Variants in ASAP2 observed in about 807,000 individuals in gnomAD.
ASAP2 encodes arf-GAP with SH3 domain, ANK repeat and PH domain-containing protein 2.
ASAP2 carries 45 observed loss-of-function variants against 131.4 expected under a neutral mutation model. That is an observed-to-expected ratio of 0.34 (90% CI 0.27 to 0.44). The LOEUF is 0.44. Ranked by LOEUF, ASAP2 falls within the 20% of genes least tolerant of loss-of-function variation. The pLI is 1.00. For synonymous variants in ASAP2, 510 were observed against 503.0 expected (o/e 1.01, Z -0.19); for missense variants, 1,011 against 1,297.0 (o/e 0.78, Z 3.39).
Position 9,279,306 on chromosome 2 carries a change from C to T in ASAP2, c.127-11C>T. On this transcript the variant is annotated splice_polypyrimidine_tract_variant and intron_variant, in intron 1 of 27. Transcript: ENST00000281419. ...AGACACGGTTTAATGACTGTATTCT[C>T]TACATTTTAGGCTTTGGACGTGGAC... The T allele has an allele frequency of 1.2e-6, 2 of 1,613,584 alleles. No homozygotes were observed. The highest frequency in any genetic ancestry group is 1.7e-5 in the Admixed American group (1 of 60,016).
At chr2:9,246,315 G>C (rs1266492586) in intron 1 of ASAP2, among the ~76,000 whole-genome samples, 1 of 152,122 alleles carries the variant, frequency 6.6e-6, no homozygotes, top group African/African-American at 2.4e-5. Flanking sequence ...ATTTTTTACA[G>C]ACAGGGTCTT....
Position 9,270,949 on chromosome 2 carries a change from C to T in ASAP2, c.127-8368C>T, listed in dbSNP as rs572568468. On this transcript the variant is annotated intron_variant, in intron 1 of 27. Coordinates refer to ENST00000281419, the MANE Select transcript of ASAP2 (RefSeq NM_003887.3). ...CTGGGACTACAGGTGCCCGCCACTA[C>T]GCCCGGCTAATTTTTTTGTATTTTT... is the stretch of plus-strand genomic sequence containing the variant. Among the ~76,000 whole-genome samples, 47 of 150,052 alleles carry T rather than the reference C, an allele frequency of 3.1e-4. No homozygotes were observed. In the South Asian group the frequency reaches 7.2e-3, roughly 23 times the overall value.
chr2:9,343,511 A>G (rs540771165), intron 9 of ASAP2, among the ~76,000 whole-genome samples: 2 of 152,276 alleles, frequency 1.3e-5, no homozygotes, highest in Non-Finnish European at 2.9e-5. Context: ...CAGTGGTGCT[A>G]TCATGACTCA....
At chr2:9,236,272 A>G (rs1206891696) in intron 1 of ASAP2, among the ~76,000 whole-genome samples, 1 of 152,124 alleles carries the variant, frequency 6.6e-6, no homozygotes, top group Non-Finnish European at 1.5e-5. Flanking sequence ...AGAGGCTTGT[A>G]GGTAATCAAG....
At chr2:9,293,714 G>T (rs1667969192) in intron 2 of ASAP2, among the ~76,000 whole-genome samples, 1 of 152,160 alleles carries the variant, frequency 6.6e-6, no homozygotes, top group Non-Finnish European at 1.5e-5. Context: ...CTAGGTGTTA[G>T]AGGAAGACAC....
intron 7 of ASAP2, among the ~76,000 whole-genome samples, chr2:9,331,675 G>A (rs1670851468): frequency 2.6e-5 from 4 of 152,154 alleles, no homozygotes; most frequent in Admixed American, 2.0e-4. Context: ...GACTGAGGCT[G>A]GAGAATCACT....
intron 3 of ASAP2, among the ~76,000 whole-genome samples, chr2:9,303,457 C>T (rs1668625685): frequency 6.6e-6 from 1 of 152,104 alleles, no homozygotes; most frequent in Non-Finnish European, 1.5e-5. Flanking sequence ...GACTTGGGTG[C>T]AAATTAGGAG....
At chr2:9,368,202 C>T (rs187677663) in intron 15 of ASAP2, among the ~76,000 whole-genome samples, 5 of 152,276 alleles carry the variant, frequency 3.3e-5, no homozygotes, top group Admixed American at 6.5e-5. Flanking sequence ...ATCCAGAGCG[C>T]GTTTTATGAC....
intron 2 of ASAP2, among the ~76,000 whole-genome samples, chr2:9,284,034 A>G (rs189790656): frequency 1.3e-5 from 2 of 152,350 alleles, no homozygotes; most frequent in African/African-American, 2.4e-5. Flanking sequence ...TCTTCTACAT[A>G]TAAGGACCCT....
intron 16 of ASAP2, among the ~76,000 whole-genome samples, chr2:9,372,851 T>A (rs113862530): frequency 1.4e-3 from 211 of 152,212 alleles, no homozygotes; most frequent in African/African-American, 4.6e-3. Flanking sequence ...ACACAGCAGT[T>A]AGCCGAACGT....
At chr2:9,315,263 G>A (rs1198085896) in intron 3 of ASAP2, among the ~76,000 whole-genome samples, 1 of 152,206 alleles carries the variant, frequency 6.6e-6, no homozygotes, top group Non-Finnish European at 1.5e-5. Flanking sequence ...CCCTGAAGCG[G>A]GGAGTGGGGC....
At position 9,344,516 on chromosome 2, in the gene ASAP2, C is replaced by T. The variant is rs759370018; in HGVS notation, c.850-16C>T. On this transcript the variant is annotated splice_polypyrimidine_tract_variant and intron_variant, in intron 9 of 27. Coordinates refer to ENST00000281419, the MANE Select transcript of ASAP2 (RefSeq NM_003887.3). ...ACCTGGACAAGATTAAAAACACACT[C>T]TTCACCATTTTTTAGGACTCCCAAA... is the stretch of plus-strand genomic sequence containing the variant. 1.9e-6 allele frequency: 3 copies of T among 1,603,736 alleles called. No individual in the cohort carries two copies. The highest frequency in any genetic ancestry group is 1.7e-5 in the Admixed American group (1 of 59,858).
In ASAP2 at chr2:9,311,844, A is replaced by G. The variant is rs929451473; in HGVS notation, c.346-6680A>G. On this transcript the variant is annotated intron_variant, in intron 3 of 27. Transcript: ENST00000281419. This position sits in a 1 kb window ranked among gnomAD's most constrained non-coding sequence, Gnocchi z 5.2. The stretch of plus-strand genomic sequence containing the variant: ...GGCCCAGACAGAGACCAGAGTGGCC[A>G]TGTCCTGGGAAATTCTCCCTGAGCC... Among the ~76,000 whole-genome samples the G allele has an allele frequency of 3.9e-5, 6 of 152,188 alleles. No individual in the cohort carries two copies. The highest frequency in any genetic ancestry group is 7.2e-5 in the African/African-American group (3 of 41,456).
At chr2:9,216,326 GC>G (rs1193231802) in intron 1 of ASAP2, among the ~76,000 whole-genome samples, 2 of 140,504 alleles carry the variant, frequency 1.4e-5, no homozygotes, top group African/African-American at 5.3e-5. Flanking sequence ...TGGCTCTGTT[GC>G]CCAGGCTTGA....
At chr2:9,342,440 G>A (rs901905209) in intron 9 of ASAP2, among the ~76,000 whole-genome samples, 3 of 152,190 alleles carry the variant, frequency 2.0e-5, no homozygotes, top group Non-Finnish European at 2.9e-5. Context: ...TTGTGCTGGG[G>A]CAGCTGGATA....
Position 9,333,001 on chromosome 2 carries a change from G to A in ASAP2, c.687-1737G>A, listed in dbSNP as rs115777100. On this transcript the variant is annotated intron_variant, in intron 7 of 27. Coordinates refer to ENST00000281419, the MANE Select transcript of ASAP2 (RefSeq NM_003887.3). ...ACACTGGTCAGAGTTCATGCCCCAC[G>A]GCCTGTGTGTCCCTCTCCTTCCTCC... is the stretch of plus-strand genomic sequence containing the variant. Among the ~76,000 whole-genome samples, 1,073 of 152,284 alleles carry A rather than the reference G, an allele frequency of 7.0e-3. 15 individuals carry two copies. The highest frequency in any genetic ancestry group is 0.023 in the African/African-American group (975 of 41,540).
intron 19 of ASAP2, among the ~76,000 whole-genome samples, 166 bp downstream of exon 19, chr2:9,379,225 G>C (rs555122357): frequency 6.6e-6 from 1 of 152,338 alleles, no homozygotes; most frequent in Admixed American, 6.5e-5. Context: ...CTCCCTGCCT[G>C]TTCCACGAGG....
At chr2:9,394,529 T>C (rs1054761246) in intron 24 of ASAP2, among the ~76,000 whole-genome samples, 13 of 152,050 alleles carry the variant, frequency 8.5e-5, no homozygotes, top group Admixed American at 5.9e-4. Context: ...GAAATGATAT[T>C]TAGAGGCCAA....
intron 21 of ASAP2, among the ~76,000 whole-genome samples, chr2:9,385,591 C>T (rs960846643): frequency 1.3e-5 from 2 of 152,186 alleles, no homozygotes; most frequent in Admixed American, 6.5e-5. Context: ...TACTTATAGG[C>T]AGCCTTTTGC....
Sources: gnomAD v4.1 joint callset for allele counts (sites outside exome capture counted in the v4.1 genomes callset) on GRCh38, gnomAD v4.1.1 for gene constraint, Gnocchi (gnomAD v3.1) non-coding constraint, MANE v1.5 for transcripts, NCBI Gene and HGNC (gene_info 2026-07-23, HGNC 2026-07-21) for gene names.